The following RASGRF2 variants were observed in gnomAD, a reference collection of about 807,000 sequenced individuals.
RASGRF2 encodes the protein Ras protein specific guanine nucleotide releasing factor 2.
A neutral mutation model predicts 151.0 loss-of-function variants in RASGRF2; 76 were observed. The observed-to-expected ratio is 0.50, with a 90% CI of 0.42 to 0.61. The LOEUF is 0.61. Ranked by LOEUF, RASGRF2 falls within the 20% of genes least tolerant of loss-of-function variation. The pLI, the probability that RASGRF2 is intolerant of heterozygous loss-of-function variation, is 0.00. For missense variants in RASGRF2, 1,148 were observed against 1,564.6 expected (o/e 0.73, Z 4.49); for synonymous variants, 504 against 566.5 (o/e 0.89, Z 1.57).
chr5:81,126,936 T>A (rs1417318616), intron 16 of RASGRF2, 138 bp from the exon 17 acceptor site: 1 of 825,698 alleles, frequency 1.2e-6, no homozygotes, highest in African/African-American at 1.7e-5. Flanking sequence ...GCAATCTTGT[T>A]GTTTGCCCAT....
intron 17 of RASGRF2, among the ~76,000 whole-genome samples, chr5:81,174,615 A>C (rs2112664422): frequency 6.6e-6 from 1 of 152,358 alleles, no homozygotes; most frequent in Middle Eastern, 3.4e-3. Flanking sequence ...CCAGGATTTC[A>C]GGGAAATTAA....
At chr5:81,085,750 C>A in intron 7 of RASGRF2, 52 bp from the exon 8 acceptor site, 1 of 1,607,828 alleles carries the variant, frequency 6.2e-7, no homozygotes, top group Non-Finnish European at 8.5e-7. Context: ...GGAGCATGTG[C>A]CCTGTCACCC....
At chr5:81,222,982 A>G (rs1314581815) in intron 26 of RASGRF2, among the ~76,000 whole-genome samples, 1 of 152,252 alleles carries the variant, frequency 6.6e-6, no homozygotes, top group Non-Finnish European at 1.5e-5. Flanking sequence ...GCAATAAGCA[A>G]TTCAAATGTA....
At chr5:80,969,267 A>G (rs1240318205) in intron 1 of RASGRF2, among the ~76,000 whole-genome samples, 1 of 149,726 alleles carries the variant, frequency 6.7e-6, no homozygotes, top group African/African-American at 2.5e-5. Context: ...AGTACCTGGG[A>G]TTACAGGTGT....
chr5:81,139,540 A>G (rs1753834934), intron 17 of RASGRF2, among the ~76,000 whole-genome samples: 1 of 151,376 alleles, frequency 6.6e-6, no homozygotes, highest in Non-Finnish European at 1.5e-5. Context: ...AACTTTTCGT[A>G]TTTTTAGTAA....
chr5:81,138,591 C>T (rs1753810930), intron 17 of RASGRF2, among the ~76,000 whole-genome samples: 2 of 152,088 alleles, frequency 1.3e-5, no homozygotes, highest in Admixed American at 1.3e-4. Flanking sequence ...GTAAAGTCCC[C>T]AAATATGTGG....
chr5:81,152,617 A>G (rs1000418780), intron 17 of RASGRF2, among the ~76,000 whole-genome samples: 2 of 152,238 alleles, frequency 1.3e-5, no homozygotes, highest in Non-Finnish European at 2.9e-5. Context: ...TTAAAATAAT[A>G]TGAGAATGGT....
intron 1 of RASGRF2, among the ~76,000 whole-genome samples, chr5:81,025,043 A>T (rs1268418966): frequency 6.6e-6 from 1 of 151,972 alleles, no homozygotes; most frequent in African/African-American, 2.4e-5. Flanking sequence ...GTCTTTGGGG[A>T]TGCTCCCCTT....
intron 1 of RASGRF2, among the ~76,000 whole-genome samples, chr5:81,028,547 T>C (rs1750120035): frequency 6.6e-6 from 1 of 152,010 alleles, no homozygotes; most frequent in Admixed American, 6.6e-5. Flanking sequence ...GATATGGAAA[T>C]AGCATCCATG....
chr5:81,089,420 C>T (rs1056984762), intron 9 of RASGRF2, among the ~76,000 whole-genome samples: 40 of 152,114 alleles, frequency 2.6e-4, no homozygotes, highest in African/African-American at 8.7e-4. Flanking sequence ...TAGAAAAATA[C>T]GTCATCCAGA....
chr5:81,023,858 C>T lies in RASGRF2; in HGVS notation c.289-19019C>T, dbSNP rs149375603. On this transcript the variant is annotated intron_variant, in intron 1 of 26. Transcript: ENST00000265080. Reference sequence around the variant, plus strand: ...TGGCAGCCAGCAGTTACTGAAATGCCATCAGTTATAAGATTGCCCTTTAAG... The same window carrying T: ...TGGCAGCCAGCAGTTACTGAAATGCTATCAGTTATAAGATTGCCCTTTAAG... Among the ~76,000 whole-genome samples, 4 of 152,292 alleles carry T rather than the reference C, an allele frequency of 2.6e-5. No individual in the cohort carries two copies. The South Asian group carries it at 6.2e-4, about 24-fold the overall frequency.
At chr5:81,046,751 A>C (rs370231549) in intron 2 of RASGRF2, among the ~76,000 whole-genome samples, 14 of 152,196 alleles carry the variant, frequency 9.2e-5, no homozygotes, top group East Asian at 3.9e-4. Context: ...ACACTAGGAC[A>C]ATCAAAAACT....
intron 1 of RASGRF2, among the ~76,000 whole-genome samples, chr5:81,012,018 T>A (rs1749478742): frequency 6.6e-6 from 1 of 152,186 alleles, no homozygotes; most frequent in South Asian, 2.1e-4. Context: ...TTATAGCAGA[T>A]CCATGATGCC....
chr5:80,986,402 TC>T (rs1431566391), intron 1 of RASGRF2, among the ~76,000 whole-genome samples: 1 of 152,234 alleles, frequency 6.6e-6, no homozygotes, highest in Non-Finnish European at 1.5e-5. Flanking sequence ...TGTGTATCTG[TC>T]TGTCTTTTAT....
chr5:80,990,183 A>T (rs1455726885), intron 1 of RASGRF2, among the ~76,000 whole-genome samples: 2 of 151,222 alleles, frequency 1.3e-5, no homozygotes, highest in Non-Finnish European at 2.9e-5. Flanking sequence ...TCTGTCGCCT[A>T]AAGGAAAGAC....
chr5:81,197,602 GTTAA>G (rs1467413796), intron 18 of RASGRF2, among the ~76,000 whole-genome samples: 2 of 151,044 alleles, frequency 1.3e-5, no homozygotes, highest in South Asian at 2.1e-4. Context: ...TTATGATCTT[GTTAA>G]TTGTTTTTAC....
At chr5:81,151,234 T>G (rs1350579231) in intron 17 of RASGRF2, among the ~76,000 whole-genome samples, 1 of 152,168 alleles carries the variant, frequency 6.6e-6, no homozygotes, top group Non-Finnish European at 1.5e-5. Context: ...TGGAGAGGCA[T>G]CCCCTGAGCA....
intron 17 of RASGRF2, among the ~76,000 whole-genome samples, chr5:81,129,123 G>T (rs552481387): frequency 6.6e-6 from 1 of 152,196 alleles, no homozygotes; most frequent in African/African-American, 2.4e-5. Context: ...GTGAGACTCT[G>T]TCTCAAAAGT....
In RASGRF2 at chr5:81,127,206, A is replaced by G. The variant is rs1753480682; in HGVS notation, c.2686+43A>G. The stretch of plus-strand genomic sequence containing the variant: ...TATGTACAGATATGTGACCATTTAT[A>G]TTAAGTCAGTGGCCCGTGTCTGCCA... On this transcript the variant is annotated intron_variant, in intron 17 of 26. Coordinates refer to ENST00000265080, the MANE Select transcript of RASGRF2 (RefSeq NM_006909.3). 2.6e-6 allele frequency: 4 copies of G among 1,561,382 alleles called. No homozygotes were observed. The African/African-American group carries it at 4.1e-5, about 16-fold the overall frequency.
Sources: allele counts gnomAD v4.1 joint callset (sites outside exome capture counted in the v4.1 genomes callset), GRCh38; gene constraint gnomAD v4.1.1; transcripts MANE v1.5; gene names NCBI Gene and HGNC (gene_info 2026-07-23, HGNC 2026-07-21).